Variants in SGPL1 observed in about 807,000 individuals in gnomAD.
SGPL1 encodes SP-lyase 1.
SGPL1 carries 37 observed loss-of-function variants against 68.9 expected under a neutral mutation model. That is an observed-to-expected ratio of 0.54 (90% confidence interval 0.41 to 0.71). The LOEUF (loss-of-function observed/expected upper bound fraction) is 0.71, where lower values mean the gene tolerates loss of function less well. Ranked by LOEUF, SGPL1 falls within the 30% of genes least tolerant of loss-of-function variation. SGPL1 has a pLI of 0.00. For synonymous variants in SGPL1, 236 were observed against 248.5 expected (o/e 0.95, Z 0.47); for missense variants, 551 against 704.6 (o/e 0.78, Z 2.47).
intron 6 of SGPL1, among the ~76,000 whole-genome samples, chr10:70,858,316 T>C (rs906194740): frequency 1.3e-5 from 2 of 151,982 alleles, no homozygotes; most frequent in African/African-American, 4.8e-5. Context: ...TTGTATTTTT[T>C]TGTTGGAGAT....
rs536162047 is a variant in SGPL1, at chr10:70,859,842, TTAGATTCA to T, written c.615+344_615+351del. On this transcript the variant is annotated intron_variant, in intron 7 of 14. Coordinates refer to ENST00000373202, the MANE Select transcript of SGPL1 (RefSeq NM_003901.4). ...TTGCTAGGATGGCTTAAAGAACACC[TTAGATTCA>T]CTAAATGTAAATATGTTGCCATATC... 6.2e-3 allele frequency among the ~76,000 whole-genome samples: 948 copies of T among 152,304 alleles called. 12 individuals carry two copies. Among genetic ancestry groups the T allele is most frequent in the South Asian group, 0.035 (169 of 4,822 alleles).
intron 2 of SGPL1, among the ~76,000 whole-genome samples, chr10:70,827,370 T>G (rs1845455492): frequency 6.6e-6 from 1 of 152,226 alleles, no homozygotes; most frequent in South Asian, 2.1e-4. Flanking sequence ...CCTTTTTAGT[T>G]CTATTATTAA....
chr10:70,868,680 C>T (rs1456147347), intron 8 of SGPL1, among the ~76,000 whole-genome samples: 5 of 140,228 alleles, frequency 3.6e-5, no homozygotes, highest in South Asian at 2.6e-4. Flanking sequence ...ATAGTATATA[C>T]TACAAGCAAA....
intron 2 of SGPL1, among the ~76,000 whole-genome samples, chr10:70,825,105 C>T (rs1345689789): frequency 6.6e-6 from 1 of 151,844 alleles, no homozygotes; most frequent in Non-Finnish European, 1.5e-5. Context: ...GCTGGGATTA[C>T]ACTCTTAAGC....
chr10:70,856,025 C>T (rs1341655786), intron 5 of SGPL1, among the ~76,000 whole-genome samples: 1 of 152,046 alleles, frequency 6.6e-6, no homozygotes, highest in African/African-American at 2.4e-5. Context: ...GACAGAGTCT[C>T]ACTGTGTTGC....
At chr10:70,877,071 G>A in intron 14 of SGPL1, 124 bp from the exon 15 acceptor site, 1 of 858,668 alleles carries the variant, frequency 1.2e-6, no homozygotes, top group East Asian at 2.4e-5. Flanking sequence ...TGCCTTAGGT[G>A]GAAATGGGGT....
chr10:70,839,046 A>G (rs1332588949), intron 2 of SGPL1, among the ~76,000 whole-genome samples: 1 of 152,208 alleles, frequency 6.6e-6, no homozygotes, highest in African/African-American at 2.4e-5. Flanking sequence ...GTGAAGGCTG[A>G]AAGAGTTTTA....
chr10:70,867,588 G>A (rs1846218013), intron 7 of SGPL1, among the ~76,000 whole-genome samples: 1 of 152,018 alleles, frequency 6.6e-6, no homozygotes, highest in Non-Finnish European at 1.5e-5. Context: ...TGGATTGAGG[G>A]TTTGTTAGGT....
chr10:70,843,575 T>C (rs909788957), intron 2 of SGPL1, among the ~76,000 whole-genome samples: 11 of 152,176 alleles, frequency 7.2e-5, no homozygotes, highest in Admixed American at 6.5e-4. Flanking sequence ...ATAGGACTTA[T>C]CAAAAATGAG....
chr10:70,849,055 G>T (rs1335331914), intron 3 of SGPL1, among the ~76,000 whole-genome samples: 1 of 152,138 alleles, frequency 6.6e-6, no homozygotes, highest in Non-Finnish European at 1.5e-5. Context: ...CATCTCTGAT[G>T]CTGTATTCCG....
At chr10:70,862,519 C>G (rs924395206) in intron 7 of SGPL1, among the ~76,000 whole-genome samples, 5 of 152,172 alleles carry the variant, frequency 3.3e-5, no homozygotes, top group East Asian at 3.9e-4. Context: ...CCCTTCCACA[C>G]TGTGGAAGCT....
In SGPL1 at chr10:70,877,306, C is replaced by G. The variant is rs747261634; in HGVS notation, c.1678C>G (p.Gln560Glu). The G allele has an allele frequency of 1.9e-6, 3 of 1,614,190 alleles. No homozygotes were observed. The South Asian group carries it at 3.3e-5, about 18-fold the overall frequency. Residue 560 changes from glutamine (Q) to glutamate (E), a missense_variant, in exon 15 of 15, where the codon CAG (glutamine) becomes GAG (glutamate). Physicochemically the swap from Gln to Glu is conservative, Grantham distance 29. Coordinates refer to ENST00000373202, the MANE Select transcript of SGPL1 (RefSeq NM_003901.4). Reference protein sequence around the residue: ...YSTDTVTQGSQMNGSPKPH With the variant: ...YSTDTVTQGSEMNGSPKPH ...CACCGACACTGTCACCCAGGGCAGC[C>G]AGATGAATGGTTCTCCAAAACCCCA...
intron 7 of SGPL1, chr10:70,860,400 T>G (rs1272306251): frequency 2.1e-6 from 1 of 469,104 alleles, no homozygotes; most frequent in Non-Finnish European, 4.4e-6. Flanking sequence ...CAGGAAGCAT[T>G]GTTTTTGTTT....
At chr10:70,834,927 C>T (rs1294856082) in intron 2 of SGPL1, among the ~76,000 whole-genome samples, 2 of 152,234 alleles carry the variant, frequency 1.3e-5, no homozygotes, top group Non-Finnish European at 2.9e-5. Context: ...CTGTGAAGGA[C>T]AGGTTCAGCT....
intron 2 of SGPL1, among the ~76,000 whole-genome samples, chr10:70,826,109 C>T (rs966782045): frequency 5.3e-5 from 8 of 152,110 alleles, no homozygotes; most frequent in Non-Finnish European, 7.3e-5. Context: ...CGCTTGAACG[C>T]GGGAGGTGGA....
intron 2 of SGPL1, among the ~76,000 whole-genome samples, chr10:70,818,915 C>G (rs1434316519): frequency 2.0e-5 from 3 of 152,166 alleles, no homozygotes; most frequent in Non-Finnish European, 4.4e-5. Flanking sequence ...TCCTACATCC[C>G]CTTCATTCGC....
chr10:70,840,392 C>T (rs144739583), intron 2 of SGPL1, among the ~76,000 whole-genome samples: 118 of 152,128 alleles, frequency 7.8e-4, no homozygotes, highest in African/African-American at 2.8e-3. Flanking sequence ...CAGGACCCAG[C>T]CTGGGGTTTG....
At chr10:70,839,345 A>ATT (rs1422448516) in intron 2 of SGPL1, among the ~76,000 whole-genome samples, 1 of 6,122 alleles carries the variant, frequency 1.6e-4, no homozygotes, top group Admixed American at 3.8e-3. Flanking sequence ...CTGGGCAAAT[A>ATT]ATTTTTTTTT....
At chr10:70,869,936 C>T (rs774543839) in intron 9 of SGPL1, 39 bp downstream of exon 9, 13 of 1,548,836 alleles carry the variant, frequency 8.4e-6, no homozygotes, top group African/African-American at 2.7e-5. Context: ...GTGCTGGGCC[C>T]TGACAGCAGA....
Sources: allele counts gnomAD v4.1 joint callset (sites outside exome capture counted in the v4.1 genomes callset), GRCh38; gene constraint gnomAD v4.1.1; transcripts MANE v1.5; gene names NCBI Gene and HGNC (gene_info 2026-07-23, HGNC 2026-07-21).